The following NXPE4 variants were observed in gnomAD, a reference collection of about 807,000 sequenced individuals.
NXPE4 encodes the protein neurexophilin and PC-esterase domain family member 4.
NXPE4 carries 42 observed loss-of-function variants against 33.3 expected under a neutral mutation model. That is an observed-to-expected ratio of 1.26 (90% CI 0.98 to 1.63). NXPE4 has a LOEUF of 1.63. NXPE4 is among the 40% of genes most tolerant of loss of function. The pLI is 0.00. For synonymous variants in NXPE4, 253 were observed against 234.9 expected (o/e 1.08, Z -0.71); for missense variants, 709 against 647.6 (o/e 1.09, Z -1.03).
At chr11:114,584,241 A>C (rs1474233314) in intron 2 of NXPE4, 1 of 451,968 alleles carries the variant, frequency 2.2e-6, no homozygotes, top group South Asian at 1.8e-5. Flanking sequence ...ATGAGCCTTC[A>C]TACAATGATT....
chr11:114,632,077 ATAT>A, the NXPE4 span, among the ~76,000 whole-genome samples: 7,070 of 101,108 alleles, frequency 0.07, 567 homozygotes, highest in African/African-American at 0.19. Context: ...GTATAGTATA[ATAT>A]TATTATATTG....
chr11:114,589,710 A>G (rs528575681), intron 2 of NXPE4, among the ~76,000 whole-genome samples: 1 of 152,252 alleles, frequency 6.6e-6, no homozygotes, highest in South Asian at 2.1e-4. Context: ...TATCCTAATG[A>G]TCCCACTTTT....
chr11:114,612,760 C>T, the NXPE4 span, among the ~76,000 whole-genome samples: 1 of 151,898 alleles, frequency 6.6e-6, no homozygotes, highest in South Asian at 2.1e-4. Context: ...ATAAGTGTTG[C>T]CTCGTGGGTA....
chr11:114,607,221 T>C, the NXPE4 span, among the ~76,000 whole-genome samples: 1 of 152,086 alleles, frequency 6.6e-6, no homozygotes, highest in African/African-American at 2.4e-5. Flanking sequence ...AAATGTTACC[T>C]CGTGTGTAAC....
the NXPE4 span, among the ~76,000 whole-genome samples, chr11:114,667,718 G>T: frequency 2.0e-5 from 3 of 152,020 alleles, no homozygotes. Flanking sequence ...AAGAACTGAG[G>T]CCTCCTGACA....
chr11:114,589,895 T>C (rs1222645433), intron 2 of NXPE4, among the ~76,000 whole-genome samples: 1 of 152,178 alleles, frequency 6.6e-6, no homozygotes, highest in African/African-American at 2.4e-5. Flanking sequence ...GAGGCCATAG[T>C]CTCAATCCAT....
At chr11:114,583,553 C>T in intron 2 of NXPE4, 1 of 599,716 alleles carries the variant, frequency 1.7e-6, no homozygotes, top group Admixed American at 1.9e-5. Flanking sequence ...TGAGGACTGT[C>T]CAGCATTTGA....
the NXPE4 span, among the ~76,000 whole-genome samples, chr11:114,621,030 C>T: frequency 5.9e-5 from 9 of 152,098 alleles, no homozygotes; most frequent in Non-Finnish European, 1.0e-4. Flanking sequence ...ACCACTGTTA[C>T]GCAGTGCACA....
the NXPE4 span, among the ~76,000 whole-genome samples, chr11:114,603,186 G>T: frequency 6.6e-6 from 1 of 150,758 alleles, no homozygotes; most frequent in Non-Finnish European, 1.5e-5. Flanking sequence ...TGGATGATAA[G>T]TATTGCCTCG....
At chr11:114,663,626 TATCTATCTATC>T in the NXPE4 span, among the ~76,000 whole-genome samples, 40 of 55,654 alleles carry the variant, frequency 7.2e-4, no homozygotes, top group East Asian at 0.011. Flanking sequence ...TCTATCTATC[TATCTATCTATC>T]ATCTATCCAT....
the NXPE4 span, among the ~76,000 whole-genome samples, chr11:114,614,499 G>T: frequency 6.6e-6 from 1 of 151,118 alleles, no homozygotes; most frequent in Non-Finnish European, 1.5e-5. Flanking sequence ...ACAGTTACCC[G>T]GTGGATAATA....
chr11:114,634,192 T>C, the NXPE4 span, among the ~76,000 whole-genome samples: 4 of 151,798 alleles, frequency 2.6e-5, no homozygotes, highest in Non-Finnish European at 5.9e-5. Flanking sequence ...GTGGTTTTGA[T>C]TTGCATTTCT....
At chr11:114,652,415 G>A in the NXPE4 span, among the ~76,000 whole-genome samples, 6 of 152,296 alleles carry the variant, frequency 3.9e-5, no homozygotes, top group East Asian at 1.2e-3. Flanking sequence ...AGTGTCCAGA[G>A]TGAGATTCCA....
the NXPE4 span, among the ~76,000 whole-genome samples, chr11:114,617,791 C>G: frequency 6.6e-6 from 1 of 152,026 alleles, no homozygotes; most frequent in Non-Finnish European, 1.5e-5. Flanking sequence ...TGTGGGTAAG[C>G]ACGGTTACCC....
the NXPE4 span, among the ~76,000 whole-genome samples, chr11:114,671,030 A>G: frequency 1.1e-3 from 157 of 148,680 alleles, no homozygotes; most frequent in African/African-American, 3.8e-3. Flanking sequence ...ATTGTCAATA[A>G]GGACAAATAT....
the NXPE4 span, among the ~76,000 whole-genome samples, chr11:114,601,585 T>TATATATTATAATTATGTATA: frequency 1.5e-3 from 11 of 7,098 alleles, no homozygotes; most frequent in African/African-American, 5.1e-3. Context: ...AATTATATAT[T>TATATATTATAATTATGTATA]ATATATATTA....
intron 2 of NXPE4, 176 bp from the exon 3 acceptor site, chr11:114,583,197 A>T: frequency 1.3e-6 from 1 of 794,516 alleles, no homozygotes; most frequent in East Asian, 2.7e-5. Flanking sequence ...TCCAATAAAA[A>T]GGCATAGAAT....
At chr11:114,598,002 C>T (rs971310224), upstream of NXPE4, among the ~76,000 whole-genome samples, 8 of 152,080 alleles carry the variant, frequency 5.3e-5, no homozygotes, top group African/African-American at 1.7e-4. Flanking sequence ...CAAGGTAAGT[C>T]CCTTCCACCT....
At chr11:114,628,917 T>C in the NXPE4 span, among the ~76,000 whole-genome samples, 1 of 151,964 alleles carries the variant, frequency 6.6e-6, no homozygotes, top group African/African-American at 2.4e-5. Flanking sequence ...AACTAGAGAA[T>C]CTAGAAGAAA....
Sources: allele counts gnomAD v4.1 joint callset (sites outside exome capture counted in the v4.1 genomes callset), GRCh38; gene constraint gnomAD v4.1.1; transcripts MANE v1.5; gene names NCBI Gene and HGNC (gene_info 2026-07-23, HGNC 2026-07-21).